CACNA2D3: variants seen among roughly 807,000 people sequenced by gnomAD.
CACNA2D3 encodes the protein calcium voltage-gated channel auxiliary subunit alpha2delta 3, also known as voltage-dependent calcium channel subunit alpha-2/delta-3.
CACNA2D3 carries 60 observed loss-of-function variants against 160.6 expected under a neutral mutation model. The ratio of observed to expected loss-of-function variants is 0.37; its 90% CI spans 0.30 to 0.46. CACNA2D3 has a LOEUF of 0.46. Among genes scored for constraint, CACNA2D3 ranks in the 20% least tolerant of loss-of-function variants. The probability of loss-of-function intolerance (pLI) is 1.00; values close to 1 mark genes in which losing one functional copy is unlikely to be tolerated. For missense variants in CACNA2D3, 1,205 were observed against 1,365.0 expected, an observed-to-expected ratio of 0.88 and a Z score of 1.85; for synonymous variants, 558 against 492.9, an observed-to-expected ratio of 1.13 and a Z score of -1.75.
chr3:54,191,639 C>T (rs548165291), intron 2 of CACNA2D3, among the ~76,000 whole-genome samples: 1 of 152,088 alleles, frequency 6.6e-6, no homozygotes, highest in African/African-American at 2.4e-5. Context: ...GTGGCAAATT[C>T]AGCCTCCCTC....
intron 2 of CACNA2D3, among the ~76,000 whole-genome samples, chr3:54,261,999 G>C (rs1298676913): frequency 6.6e-6 from 1 of 152,128 alleles, no homozygotes; most frequent in Non-Finnish European, 1.5e-5. Context: ...TGTGTCTCCT[G>C]GGGGCTGTGA....
intron 13 of CACNA2D3, among the ~76,000 whole-genome samples, chr3:54,795,948 G>T (rs1405933670): frequency 1.3e-5 from 2 of 152,138 alleles, no homozygotes; most frequent in African/African-American, 4.8e-5. Flanking sequence ...TGTGCTTGAA[G>T]ATTGCCAAAC....
At chr3:54,310,552 C>G (rs1703715736) in intron 2 of CACNA2D3, among the ~76,000 whole-genome samples, 1 of 152,096 alleles carries the variant, frequency 6.6e-6, no homozygotes, top group African/African-American at 2.4e-5. Flanking sequence ...AGAACAGAGT[C>G]CTCACCAAAT....
At chr3:54,306,233 A>C (rs1257900439) in intron 2 of CACNA2D3, among the ~76,000 whole-genome samples, 1 of 152,186 alleles carries the variant, frequency 6.6e-6, no homozygotes, top group East Asian at 1.9e-4. Context: ...ATAATCAGGA[A>C]GATGTGGATG....
At chr3:54,359,286 G>A (rs573606057) in intron 3 of CACNA2D3, among the ~76,000 whole-genome samples, 1 of 152,276 alleles carries the variant, frequency 6.6e-6, no homozygotes, top group East Asian at 1.9e-4. Flanking sequence ...AATATTCTCT[G>A]AAAACAAAGG....
chr3:54,790,112 G>A (rs556418260), intron 13 of CACNA2D3, among the ~76,000 whole-genome samples: 6 of 152,164 alleles, frequency 3.9e-5, no homozygotes, highest in African/African-American at 1.4e-4. Flanking sequence ...AGGAACACAG[G>A]CCCTGGAGCC....
Position 54,402,292 on chromosome 3 carries a change from C to T in CACNA2D3, c.381+15518C>T, listed in dbSNP as rs192346749. On this transcript the variant is annotated intron_variant, in intron 4 of 37. Transcript: ENST00000474759. ...ATAATTCTTTACCTATCAATAATTA[C>T]GATGAATGTAAATGGATTAAATTCT... is the stretch of plus-strand genomic sequence containing the variant. 1.2e-4 allele frequency among the ~76,000 whole-genome samples: 18 copies of T among 151,996 alleles called. No homozygotes were observed. The South Asian group carries it at 1.5e-3, about 12-fold the overall frequency.
chr3:55,068,946 G>A (rs1188922289), intron 35 of CACNA2D3, among the ~76,000 whole-genome samples: 1 of 152,134 alleles, frequency 6.6e-6, no homozygotes, highest in Non-Finnish European at 1.5e-5. Flanking sequence ...GTAGCTATAA[G>A]TTTCACTTTC....
At chr3:54,277,778 T>G (rs1349817140) in intron 2 of CACNA2D3, among the ~76,000 whole-genome samples, 1 of 152,230 alleles carries the variant, frequency 6.6e-6, no homozygotes, top group East Asian at 1.9e-4. Context: ...TGTTTTTCCA[T>G]TTGTTTGTGT....
intron 10 of CACNA2D3, chr3:54,632,475 A>C (rs1699262422): frequency 6.6e-6 from 1 of 152,208 alleles, no homozygotes; most frequent in Non-Finnish European, 1.5e-5. Flanking sequence ...TGTTTAATGC[A>C]GTCTCCCCAG....
intron 17 of CACNA2D3, among the ~76,000 whole-genome samples, chr3:54,867,008 G>C (rs1326336947): frequency 6.6e-6 from 1 of 152,206 alleles, no homozygotes; most frequent in African/African-American, 2.4e-5. Flanking sequence ...AAACCTACCT[G>C]TGGCTCTCAA....
At chr3:54,441,514 G>T (rs539982298) in intron 4 of CACNA2D3, among the ~76,000 whole-genome samples, 69 of 152,180 alleles carry the variant, frequency 4.5e-4, no homozygotes, top group Non-Finnish European at 9.4e-4. Flanking sequence ...GTCAATTTTG[G>T]CTTTTGTTGC....
intron 4 of CACNA2D3, among the ~76,000 whole-genome samples, chr3:54,390,402 GTC>G (rs1699259130): frequency 6.6e-6 from 1 of 152,172 alleles, no homozygotes; most frequent in African/African-American, 2.4e-5. Flanking sequence ...AAGAAAATAA[GTC>G]TCTAGTTTTT....
chr3:54,510,148 T>A (rs1701437185), intron 5 of CACNA2D3, among the ~76,000 whole-genome samples: 1 of 151,706 alleles, frequency 6.6e-6, no homozygotes, highest in Non-Finnish European at 1.5e-5. Context: ...GATGAATGGA[T>A]GGATGAATGG....
rs567685583 is a variant in CACNA2D3 at position 54,243,250 on chromosome 3, G to C, written c.205-77192G>C. Among the ~76,000 whole-genome samples, 4 of 152,322 alleles carry C rather than the reference G, an allele frequency of 2.6e-5. No homozygotes were observed. The South Asian group carries it at 8.3e-4, about 32-fold the overall frequency. Reference sequence around the variant, plus strand: ...AGACAAGGGGTGGTGTGGGAGACCCGCGATTGCGTGGGCTGTCAAATGTTT... The same window carrying C: ...AGACAAGGGGTGGTGTGGGAGACCCCCGATTGCGTGGGCTGTCAAATGTTT... On this transcript the variant is annotated intron_variant, in intron 2 of 37. Transcript: ENST00000474759.
chr3:54,304,601 C>T (rs1490526494), intron 2 of CACNA2D3, among the ~76,000 whole-genome samples: 1 of 152,132 alleles, frequency 6.6e-6, no homozygotes, highest in African/African-American at 2.4e-5. Flanking sequence ...TATTTGATTA[C>T]ATCTACCATC....
At chr3:54,764,438 T>A (rs1218981900) in intron 13 of CACNA2D3, 87 bp downstream of exon 13, 11 of 1,497,798 alleles carry the variant, frequency 7.3e-6, no homozygotes, top group Non-Finnish European at 1.0e-5. Flanking sequence ...ACTGTATCAC[T>A]CTTATTTTTT....
intron 27 of CACNA2D3, among the ~76,000 whole-genome samples, chr3:54,940,146 G>A (rs887135039): frequency 1.3e-5 from 2 of 152,164 alleles, no homozygotes; most frequent in Non-Finnish European, 2.9e-5. Flanking sequence ...TCAGGCCACA[G>A]CCCCACACTC....
At chr3:54,484,971 C>A (rs1331010468) in intron 4 of CACNA2D3, among the ~76,000 whole-genome samples, 1 of 151,844 alleles carries the variant, frequency 6.6e-6, no homozygotes, top group Non-Finnish European at 1.5e-5. Flanking sequence ...CTCAGCCTCC[C>A]GAGTAGCTGG....
Sources: gnomAD v4.1 joint callset for allele counts (sites outside exome capture counted in the v4.1 genomes callset) on GRCh38, gnomAD v4.1.1 for gene constraint, MANE v1.5 for transcripts, NCBI Gene and HGNC (gene_info 2026-07-23, HGNC 2026-07-21) for gene names.